The following BPTF variants were observed in gnomAD, a reference collection of about 807,000 sequenced individuals.
The protein encoded by BPTF is nucleosome-remodeling factor subunit BPTF.
A neutral mutation model predicts 292.5 loss-of-function variants in BPTF; 18 were observed. That is an observed-to-expected ratio of 0.06 (90% confidence interval 0.04 to 0.09). The LOEUF (loss-of-function observed/expected upper bound fraction) is 0.09, where lower values mean the gene tolerates loss of function less well. BPTF is among the 10% of genes least tolerant of loss of function. The pLI is 1.00. For synonymous variants in BPTF, 1,225 were observed against 1,251.9 expected, an observed-to-expected ratio of 0.98 and a Z score of 0.45; for missense variants, 2,726 against 3,498.7, an observed-to-expected ratio of 0.78 and a Z score of 5.57.
chr17:67,892,212 A>G (rs1319037397), intron 5 of BPTF, among the ~76,000 whole-genome samples, 178 bp downstream of exon 5: 1 of 152,258 alleles, frequency 6.6e-6, no homozygotes, highest in Admixed American at 6.5e-5. Context: ...CTTTATAAGC[A>G]TAGTTGCGTA....
At chr17:67,850,333 T>G (rs1048303248) in intron 1 of BPTF, among the ~76,000 whole-genome samples, 36 of 152,204 alleles carry the variant, frequency 2.4e-4, no homozygotes, top group African/African-American at 6.3e-4. Flanking sequence ...TGGTTTTATA[T>G]TGTAAAACTT....
At chr17:67,966,696 C>T (rs1555687682) in intron 26 of BPTF, 40 bp downstream of exon 26, 2 of 1,392,222 alleles carry the variant, frequency 1.4e-6, no homozygotes, top group Admixed American at 2.6e-5. Flanking sequence ...TCAGAAGTCT[C>T]AGTGGATGTT....
At chr17:67,938,804 C>A (rs2065132934) in intron 18 of BPTF, among the ~76,000 whole-genome samples, 1 of 151,990 alleles carries the variant, frequency 6.6e-6, no homozygotes, top group East Asian at 1.9e-4. Context: ...ACGTAGATGG[C>A]AAAGTGGAAA....
At chr17:67,831,104 G>A (rs2056627487) in intron 1 of BPTF, among the ~76,000 whole-genome samples, 5 of 152,114 alleles carry the variant, frequency 3.3e-5, no homozygotes, top group Admixed American at 2.0e-4. Flanking sequence ...GGGATGCCAC[G>A]AAGTATAGCT....
chr17:67,873,785 T>A (rs1173515075), intron 3 of BPTF, among the ~76,000 whole-genome samples: 1 of 152,180 alleles, frequency 6.6e-6, no homozygotes, highest in Non-Finnish European at 1.5e-5. Context: ...ATTTTTTAGC[T>A]CTGTTGGCTG....
At chr17:67,849,612 G>A (rs978720148) in intron 1 of BPTF, among the ~76,000 whole-genome samples, 4 of 151,932 alleles carry the variant, frequency 2.6e-5, no homozygotes, top group South Asian at 2.1e-4. Flanking sequence ...AGTATGGTTC[G>A]CCAGAACAGC....
intron 15 of BPTF, among the ~76,000 whole-genome samples, chr17:67,926,242 C>T (rs976750390): frequency 6.6e-6 from 1 of 150,572 alleles, no homozygotes; most frequent in African/African-American, 2.4e-5. Flanking sequence ...CTCCTGAGCT[C>T]AAGCGATCTG....
chr17:67,921,209 CAAA>C (rs60707445), intron 13 of BPTF, among the ~76,000 whole-genome samples: 24 of 49,238 alleles, frequency 4.9e-4, no homozygotes, highest in African/African-American at 1.0e-3. Context: ...GAATCCGTGT[CAAA>C]AAAAAAAAAA....
chr17:67,972,979 G>T (rs2068933103), intron 26 of BPTF, among the ~76,000 whole-genome samples: 3 of 148,404 alleles, frequency 2.0e-5, no homozygotes, highest in African/African-American at 7.5e-5. Context: ...TTCTTTAACT[G>T]CATAAACTGG....
At chr17:67,915,569 C>CT (rs1187148335) in intron 11 of BPTF, among the ~76,000 whole-genome samples, 1 of 152,194 alleles carries the variant, frequency 6.6e-6, no homozygotes, top group Non-Finnish European at 1.5e-5. Flanking sequence ...TTCTGTACCT[C>CT]TACACCCCTT....
At chr17:67,956,210 T>G (rs2148207691) in intron 23 of BPTF, 1 of 147,826 alleles carries the variant, frequency 6.8e-6, no homozygotes, top group East Asian at 2.1e-4. Context: ...TCCCAGCTAC[T>G]CGGGAGGCTG....
chr17:67,888,589 C>CAAAA (rs776548348), intron 4 of BPTF, among the ~76,000 whole-genome samples: 1 of 63,554 alleles, frequency 1.6e-5, no homozygotes, highest in African/African-American at 4.9e-5. Flanking sequence ...GACTCCGTCT[C>CAAAA]AAAAAAAAAA....
chr17:67,874,375 A>T (rs1198515625), intron 3 of BPTF, among the ~76,000 whole-genome samples: 1 of 152,158 alleles, frequency 6.6e-6, no homozygotes, highest in Non-Finnish European at 1.5e-5. Flanking sequence ...TGGAGAGGTT[A>T]GGTAGCTTGC....
rs56335701 is a variant in BPTF at position 67,843,754 on chromosome 17, C to CTTTTTTTTTTTTTTTTT, written c.614-10174_614-10158dup. On this transcript the variant is annotated intron_variant, in intron 1 of 27. Transcript: ENST00000306378. ...TTTTTAAATTGTCTGGAGCAGTTGT[C>CTTTTTTTTTTTTTTTTT]TTTTTTTTTTTTTTTTTTTTTTTTT... 6.9e-4 allele frequency among the ~76,000 whole-genome samples: 43 copies of CTTTTTTTTTTTTTTTTT among 62,226 alleles called. 5 individuals carry two copies. Among genetic ancestry groups the CTTTTTTTTTTTTTTTTT allele is most frequent in the African/African-American group, 3.5e-3 (42 of 11,926 alleles). 40.8% of individuals were successfully genotyped at this position (62,226 alleles called of 152,430 possible).
At chr17:67,843,695 T>A (rs2057762664) in intron 1 of BPTF, among the ~76,000 whole-genome samples, 1 of 149,766 alleles carries the variant, frequency 6.7e-6, no homozygotes, top group African/African-American at 2.5e-5. Context: ...TCTATCACCT[T>A]TGGGTGTGAG....
chr17:67,874,042 G>A (rs1431975790), intron 3 of BPTF, among the ~76,000 whole-genome samples: 1 of 150,384 alleles, frequency 6.6e-6, no homozygotes, highest in East Asian at 1.9e-4. Context: ...GTGTCAAAAG[G>A]ACACTGGACT....
chr17:67,832,965 T>C (rs1165361749), intron 1 of BPTF, among the ~76,000 whole-genome samples: 1 of 127,054 alleles, frequency 7.9e-6, no homozygotes, highest in Non-Finnish European at 1.5e-5. Flanking sequence ...TTTTTTGTAT[T>C]TTTTTTTTTT....
At chr17:67,836,160 A>G (rs2057115886) in intron 1 of BPTF, among the ~76,000 whole-genome samples, 1 of 152,218 alleles carries the variant, frequency 6.6e-6, no homozygotes, top group Admixed American at 6.5e-5. Context: ...TCTCCTGTAT[A>G]AAACGTCTTA....
intron 18 of BPTF, among the ~76,000 whole-genome samples, chr17:67,937,057 T>C (rs755816364): frequency 1.1e-4 from 17 of 152,174 alleles, no homozygotes; most frequent in African/African-American, 2.9e-4. Context: ...ATGAAACTTA[T>C]AGTCTAGTGG....
Sources: allele counts gnomAD v4.1 joint callset (sites outside exome capture counted in the v4.1 genomes callset), GRCh38; gene constraint gnomAD v4.1.1; transcripts MANE v1.5; gene names NCBI Gene and HGNC (gene_info 2026-07-23, HGNC 2026-07-21).